The following STX16 variants were observed in gnomAD, a reference collection of about 807,000 sequenced individuals.
STX16 encodes syntaxin 16.
Under a neutral mutation model 42.7 loss-of-function variants are expected in STX16, and 28 were observed. The ratio of observed to expected loss-of-function variants is 0.66; its 90% confidence interval spans 0.49 to 0.90. The LOEUF is 0.90. Ranked by LOEUF, STX16 falls within the 40% of genes least tolerant of loss-of-function variation. The pLI is 0.00. For synonymous variants in STX16, 156 were observed against 155.2 expected, an observed-to-expected ratio of 1.00 and a Z score of -0.04; for missense variants, 361 against 420.9, an observed-to-expected ratio of 0.86 and a Z score of 1.24.
chr20:58,662,980 G>A (rs976142645), intron 2 of STX16, among the ~76,000 whole-genome samples: 1 of 151,966 alleles, frequency 6.6e-6, no homozygotes, highest in Non-Finnish European at 1.5e-5. Flanking sequence ...CCAACAACTC[G>A]GATTTCTTAA....
intron 7 of STX16, 60 bp from the exon 8 acceptor site, chr20:58,673,571 T>C: frequency 8.6e-7 from 1 of 1,164,670 alleles, no homozygotes; most frequent in Admixed American, 1.8e-5. Flanking sequence ...ATCTCATTTT[T>C]GACGTTCAGT....
At chr20:58,653,855 G>GT (rs749763151) in intron 1 of STX16, among the ~76,000 whole-genome samples, 295 of 141,736 alleles carry the variant, frequency 2.1e-3, no homozygotes, top group Middle Eastern at 3.7e-3. Context: ...TAACATGAGG[G>GT]TTTTTTTTTT....
At chr20:58,667,256 G>A (rs113663333) in intron 2 of STX16, 1 of 619,820 alleles carries the variant, frequency 1.6e-6, no homozygotes, top group African/African-American at 1.8e-5. Flanking sequence ...AAGAGCTGGT[G>A]CATGAAAAGA....
intron 4 of STX16, 72 bp downstream of exon 4, chr20:58,668,199 C>G: frequency 6.4e-7 from 1 of 1,570,412 alleles, no homozygotes; most frequent in Non-Finnish European, 8.7e-7. Flanking sequence ...TAGAGTGTTA[C>G]TCAGAATCAG....
intron 7 of STX16, among the ~76,000 whole-genome samples, chr20:58,671,840 T>C (rs1375404485): frequency 1.3e-5 from 2 of 152,092 alleles, no homozygotes; most frequent in Non-Finnish European, 2.9e-5. Flanking sequence ...GCTCCAAAAT[T>C]TGAAACTTTT....
At chr20:58,668,503 T>A (rs1049685659) in intron 4 of STX16, among the ~76,000 whole-genome samples, 3 of 152,128 alleles carry the variant, frequency 2.0e-5, no homozygotes, top group South Asian at 2.1e-4. Flanking sequence ...CTAGAAAAAA[T>A]TTTTTATAAA....
intron 2 of STX16, among the ~76,000 whole-genome samples, chr20:58,665,074 C>G (rs541976032): frequency 5.0e-4 from 76 of 152,254 alleles, no homozygotes; most frequent in Middle Eastern, 6.8e-3. Context: ...TGGTTTGTCC[C>G]CCTGCTTTTT....
intron 4 of STX16, among the ~76,000 whole-genome samples, chr20:58,668,480 AC>A (rs1428671151): frequency 6.6e-6 from 1 of 152,248 alleles, no homozygotes; most frequent in Non-Finnish European, 1.5e-5. Flanking sequence ...AATTGAAAAA[AC>A]AACTTAGTAT....
chr20:58,671,191 A>G lies in STX16; in HGVS notation c.686A>G (p.Asn229Ser). Reference protein sequence around the residue: ...TEDQLVLVEQNTLMVEERERE... With the variant: ...TEDQLVLVEQSTLMVEERERE... Reference sequence around the variant, plus strand: ...GACCAGTTAGTTCTGGTGGAGCAGAACACACTGATGGTGGAAGAGCGGGAA... The same window carrying G: ...GACCAGTTAGTTCTGGTGGAGCAGAGCACACTGATGGTGGAAGAGCGGGAA... Residue 229 changes from asparagine (N) to serine (S), a missense_variant, in exon 7 of 9, where the codon AAC becomes AGC. Coordinates refer to ENST00000371141, the MANE Select transcript of STX16 (RefSeq NM_001001433.3). 1.2e-6 allele frequency: 2 copies of G among 1,614,166 alleles called. No individual in the cohort carries two copies. Among genetic ancestry groups the G allele is most frequent in the Non-Finnish European group, 1.7e-6 (2 of 1,180,008 alleles).
Position 58,676,735 on chromosome 20 carries a change from A to C in STX16, c.*444A>C, listed in dbSNP as rs1358280878. 6.5e-6 allele frequency: 1 copy of C among 152,946 alleles called. No individual in the cohort carries two copies. Among genetic ancestry groups the C allele is most frequent in the African/African-American group, 2.4e-5 (1 of 41,474 alleles). 9.5% of individuals were successfully genotyped at this position (152,946 alleles called of 1,614,324 possible). On this transcript the variant is annotated 3_prime_UTR_variant, in exon 9 of 9. Coordinates refer to ENST00000371141, the MANE Select transcript of STX16 (RefSeq NM_001001433.3). The stretch of plus-strand genomic sequence containing the variant: ...TGGTTTTTAAGAAATTTGGTACCAA[A>C]AATTGATGAGTAGAGGCAAAAATGC...
chr20:58,667,444 A>T, intron 2 of STX16, 46 bp from the exon 3 acceptor site: 3 of 1,476,230 alleles, frequency 2.0e-6, no homozygotes, highest in Non-Finnish European at 2.8e-6. Flanking sequence ...TTTGTATCTA[A>T]ATTGGATTAG....
Position 58,677,817 on chromosome 20 carries a change from C to T in STX16, c.*1526C>T, listed in dbSNP as rs1452888642. On this transcript the variant is annotated 3_prime_UTR_variant, in exon 9 of 9. Coordinates refer to ENST00000371141, the MANE Select transcript of STX16 (RefSeq NM_001001433.3). The stretch of plus-strand genomic sequence containing the variant: ...CCAAACAGCTCATGGGCTTAGTGTC[C>T]AAACCCCTGCCCAGCCTTCCCTTTC... 6.6e-6 allele frequency: 1 copy of T among 152,178 alleles called. No homozygotes were observed. The allele number at this position is 152,178 out of a possible 1,614,324, so 9.4% of individuals were successfully genotyped here.
rs1032853160 is a variant in STX16, at chr20:58,678,508, G to C, written c.*2217G>C. 3.3e-5 allele frequency: 5 copies of C among 151,980 alleles called. No homozygotes were observed. Among genetic ancestry groups the C allele is most frequent in the African/African-American group, 1.2e-4 (5 of 41,326 alleles). 9.4% of individuals were successfully genotyped at this position (151,980 alleles called of 1,614,324 possible). Reference sequence around the variant, plus strand: ...AAAAATACAAAAATTAGCCGGGTGGGACACGCCTGTAATCCCAGCTACTCA... The same window carrying C: ...AAAAATACAAAAATTAGCCGGGTGGCACACGCCTGTAATCCCAGCTACTCA... On this transcript the variant is annotated 3_prime_UTR_variant, in exon 9 of 9. Transcript: ENST00000371141.
At position 58,677,332 on chromosome 20, in the gene STX16, C is replaced by T. The variant is rs887035271; in HGVS notation, c.*1041C>T. ...TCACTCCATTTCAAAGTAAAATATT[C>T]CACCAGCGATTTGATTTATTGGCTC... On this transcript the variant is annotated 3_prime_UTR_variant, in exon 9 of 9. Transcript: ENST00000371141. 1 of 152,620 alleles carries T rather than the reference C, an allele frequency of 6.6e-6. No individual in the cohort carries two copies. Among genetic ancestry groups the T allele is most frequent in the Non-Finnish European group, 1.5e-5 (1 of 68,048 alleles). The allele number at this position is 152,620 out of a possible 1,614,324, so 9.5% of individuals were successfully genotyped here.
At position 58,679,132 on chromosome 20, in the gene STX16, G is replaced by A. The variant is rs2084210041; in HGVS notation, c.*2841G>A. Reference sequence around the variant, plus strand: ...CCTGATCTTTCCCAAGATTGTAACTGAAAACTGCTGTCTCTTGTTTTGTTC... The same window carrying A: ...CCTGATCTTTCCCAAGATTGTAACTAAAAACTGCTGTCTCTTGTTTTGTTC... On this transcript the variant is annotated 3_prime_UTR_variant, in exon 9 of 9. Coordinates refer to ENST00000371141, the MANE Select transcript of STX16 (RefSeq NM_001001433.3). The A allele has an allele frequency of 1.3e-5, 2 of 152,278 alleles. No individual in the cohort carries two copies. The highest frequency in any genetic ancestry group is 1.5e-5 in the Non-Finnish European group (1 of 68,042). The allele number at this position is 152,278 out of a possible 1,614,324, so 9.4% of individuals were successfully genotyped here.
chr20:58,652,236 ATAAGAATAATAAGAC>A lies in STX16; in HGVS notation c.132+113_132+127del, dbSNP rs1379235798. The A allele has an allele frequency of 2.4e-5, 35 of 1,472,106 alleles. No individual in the cohort carries two copies. The Middle Eastern group carries it at 5.2e-4, about 22-fold the overall frequency. 91.2% of individuals were successfully genotyped at this position (1,472,106 alleles called of 1,614,324 possible). ...CTGTCTCTCTGTTTAAAAAGAGAAG[ATAAGAATAATAAGAC>A]TAAGAATAATAAGATCTCTTGGCTA... On this transcript the variant is annotated intron_variant, in intron 1 of 8. Coordinates refer to ENST00000371141, the MANE Select transcript of STX16 (RefSeq NM_001001433.3).
At chr20:58,653,868 T>TC (rs753935654) in intron 1 of STX16, among the ~76,000 whole-genome samples, 2 of 151,684 alleles carry the variant, frequency 1.3e-5, no homozygotes, top group Non-Finnish European at 2.9e-5. Flanking sequence ...TTTTTTTTTT[T>TC]CCCGATTAAG....
intron 1 of STX16, among the ~76,000 whole-genome samples, chr20:58,658,553 A>G (rs1008344227): frequency 4.6e-5 from 7 of 152,194 alleles, no homozygotes; most frequent in Non-Finnish European, 2.9e-5. Context: ...GTTTAATAAT[A>G]TTTTGACCCT....
chr20:58,659,525 C>T, intron 1 of STX16, 98 bp from the exon 2 acceptor site: 1 of 1,267,964 alleles, frequency 7.9e-7, no homozygotes, highest in Non-Finnish European at 1.1e-6. Flanking sequence ...TCAGTGTTTT[C>T]TCAACTGACC....
Sources: allele counts gnomAD v4.1 joint callset (sites outside exome capture counted in the v4.1 genomes callset), GRCh38; gene constraint gnomAD v4.1.1; transcripts MANE v1.5; gene names NCBI Gene and HGNC (gene_info 2026-07-23, HGNC 2026-07-21).